PIGN: variants seen among roughly 807,000 people sequenced by gnomAD.
PIGN encodes the protein GPI ethanolamine phosphate transferase 1.
In PIGN, 117 loss-of-function variants were observed where a neutral mutation model predicts 125.4. The ratio of observed to expected loss-of-function variants is 0.93; its 90% CI spans 0.80 to 1.09. The LOEUF is 1.09. Ranked by LOEUF, PIGN falls within the 50% of genes least tolerant of loss-of-function variation. The probability of loss-of-function intolerance (pLI) is 0.00; values close to 1 mark genes in which losing one functional copy is unlikely to be tolerated. For synonymous variants in PIGN, 392 were observed against 377.8 expected (o/e 1.04, Z -0.44); for missense variants, 1,075 against 1,094.9 (o/e 0.98, Z 0.26).
downstream of PIGN, among the ~76,000 whole-genome samples, chr18:62,040,364 G>C (rs894763582): frequency 2.0e-5 from 3 of 152,214 alleles, no homozygotes; most frequent in African/African-American, 7.2e-5. Context: ...GGCTTTGACA[G>C]TTTCTCAGCC....
chr18:62,085,325 T>TA, intron 25 of PIGN, 61 bp from the exon 26 acceptor site: 1 of 1,102,392 alleles, frequency 9.1e-7, no homozygotes, highest in Non-Finnish European at 1.3e-6. Flanking sequence ...CCTTTTCATT[T>TA]AGAAAAGATA....
intron 14 of PIGN, chr18:62,135,573 C>G (rs968907478): frequency 6.6e-6 from 1 of 151,726 alleles, no homozygotes; most frequent in African/African-American, 2.4e-5. Context: ...GACGAAGAGT[C>G]CTTCCCTAAC....
At chr18:62,068,450 C>G (rs1030583) in intron 30 of PIGN, among the ~76,000 whole-genome samples, 50,787 of 151,848 alleles carry the variant, frequency 0.33, 9,414 homozygotes, top group East Asian at 0.63. Context: ...TTTCATTTTG[C>G]TAAGTTTGTT....
chr18:62,160,608 G>A (rs1013186771), intron 4 of PIGN, among the ~76,000 whole-genome samples: 8 of 150,536 alleles, frequency 5.3e-5, no homozygotes, highest in Admixed American at 2.0e-4. Context: ...CCTCTGCCTC[G>A]CAGGTTCTCC....
chr18:62,084,639 A>T, intron 26 of PIGN, 33 bp from the exon 27 acceptor site: 3 of 1,266,910 alleles, frequency 2.4e-6, no homozygotes, highest in Non-Finnish European at 3.4e-6. Context: ...AAGAATTTAG[A>T]ATTCACTCTG....
intron 22 of PIGN, among the ~76,000 whole-genome samples, chr18:62,097,973 T>C (rs2034280394): frequency 6.6e-6 from 1 of 152,216 alleles, no homozygotes; most frequent in Non-Finnish European, 1.5e-5. Context: ...GATAGACAAG[T>C]TGGGATGAAA....
Position 62,113,216 on chromosome 18 carries a change from A to G in PIGN, c.1352T>C (p.Phe451Ser), listed in dbSNP as rs1422102354. 6.2e-7 allele frequency: 1 copy of G among 1,613,024 alleles called. No homozygotes were observed. Among genetic ancestry groups the G allele is most frequent in the Non-Finnish European group, 8.5e-7 (1 of 1,179,470 alleles). Residue 451 changes from phenylalanine to serine, a missense_variant, in exon 16 of 31, where the codon TTT becomes TCT. Coordinates refer to ENST00000640252, the MANE Select transcript of PIGN (RefSeq NM_176787.5). ...AGAGGCATAAGATATCCATCCCACA[A>G]AACCAATAACAACATTGACGCCCAA... ...FFLGVNVVIG[F>S]VGWISYASLL... is the part of the protein sequence containing the mutation.
chr18:62,043,529 T>C lies in PIGN; in HGVS notation c.*2327A>G, dbSNP rs2030460746. ...TATTATAATGGATGAAGAGCTTTTCTAATTCAGCTCTATCATTAATAAATA... is the reference window on the plus strand; with the variant it reads ...TATTATAATGGATGAAGAGCTTTTCCAATTCAGCTCTATCATTAATAAATA... On this transcript the variant is annotated 3_prime_UTR_variant, in exon 31 of 31. Coordinates refer to ENST00000640252, the MANE Select transcript of PIGN (RefSeq NM_176787.5). 6.6e-6 allele frequency: 1 copy of C among 152,328 alleles called. No individual in the cohort carries two copies. Among genetic ancestry groups the C allele is most frequent in the African/African-American group, 2.4e-5 (1 of 41,574 alleles). The allele number at this position is 152,328 out of a possible 1,614,324, so 9.4% of individuals were successfully genotyped here. A position where few individuals can be genotyped will look rare whatever the true frequency, so the allele number is the denominator to read the frequency against.
At chr18:62,065,878 A>T (rs1314989745) in intron 30 of PIGN, among the ~76,000 whole-genome samples, 1 of 152,204 alleles carries the variant, frequency 6.6e-6, no homozygotes, top group Admixed American at 6.5e-5. Context: ...AATCTCCTCT[A>T]TTTCAGTCCC....
rs2147147668 is a variant in PIGN at position 62,139,083 on chromosome 18, T to C, written c.1024-8A>G. The C allele has an allele frequency of 6.5e-7, 1 of 1,541,164 alleles. No homozygotes were observed. The highest frequency in any genetic ancestry group is 8.9e-7 in the Non-Finnish European group (1 of 1,120,682). ...ATCCACAGGAAGGATTCCCTGAAAA[T>C]AACAAACACCAGCTTATTGATAGTA... On this transcript the variant is annotated splice_region_variant and splice_polypyrimidine_tract_variant and intron_variant, in intron 12 of 30. Coordinates refer to ENST00000640252, the MANE Select transcript of PIGN (RefSeq NM_176787.5).
intron 1 of PIGN, among the ~76,000 whole-genome samples, chr18:62,179,940 G>T (rs1024409581): frequency 6.6e-6 from 1 of 152,042 alleles, no homozygotes; most frequent in African/African-American, 2.4e-5. Context: ...CCTTATAAAT[G>T]ATCTCAAACA....
intron 1 of PIGN, among the ~76,000 whole-genome samples, chr18:62,175,046 T>C (rs1419414952): frequency 2.1e-5 from 3 of 139,692 alleles, no homozygotes; most frequent in Non-Finnish European, 4.6e-5. Flanking sequence ...ATATTATAAA[T>C]ATATATTTTT....
intron 22 of PIGN, among the ~76,000 whole-genome samples, chr18:62,096,395 C>T (rs2041245920): frequency 6.6e-6 from 1 of 151,900 alleles, no homozygotes; most frequent in Admixed American, 6.6e-5. Flanking sequence ...CCCCTAATCA[C>T]AGTCAAGCCT....
chr18:62,047,612 G>A (rs757762437), intron 30 of PIGN, among the ~76,000 whole-genome samples: 32 of 152,154 alleles, frequency 2.1e-4, no homozygotes, highest in Non-Finnish European at 4.0e-4. Context: ...GCTCCCTCTC[G>A]GGTGCCAATG....
At chr18:62,147,383 G>A (rs991791269) in intron 8 of PIGN, among the ~76,000 whole-genome samples, 3 of 152,060 alleles carry the variant, frequency 2.0e-5, no homozygotes, top group South Asian at 2.1e-4. Context: ...GATAGATGAC[G>A]TTCATGTCTC....
rs544574780 is a variant in PIGN at position 62,093,273 on chromosome 18, T to G, written c.2180+2575A>C. Among the ~76,000 whole-genome samples the G allele has an allele frequency of 2.0e-4, 30 of 152,244 alleles. 1 individual carries two copies. Among genetic ancestry groups the G allele is most frequent in the African/African-American group, 5.8e-4 (24 of 41,578 alleles). On this transcript the variant is annotated intron_variant, in intron 23 of 30. Coordinates refer to ENST00000640252, the MANE Select transcript of PIGN (RefSeq NM_176787.5). ...TCCTTTCAAAAACTATACATTATGA[T>G]CACTTTCTTTTGTAAAATGGAGATG... is the stretch of plus-strand genomic sequence containing the variant.
chr18:62,097,590 G>A (rs1466012912), intron 22 of PIGN, among the ~76,000 whole-genome samples: 1 of 152,054 alleles, frequency 6.6e-6, no homozygotes, highest in African/African-American at 2.4e-5. Context: ...ACCCAAAAAT[G>A]AATTATTTTC....
chr18:62,134,434 C>T (rs1021376248), intron 14 of PIGN, among the ~76,000 whole-genome samples: 4 of 152,022 alleles, frequency 2.6e-5, no homozygotes, highest in South Asian at 2.1e-4. Context: ...AAACCTCTGA[C>T]GAATTCAACT....
chr18:62,052,145 G>A (rs1322188020), intron 30 of PIGN: 1 of 151,952 alleles, frequency 6.6e-6, no homozygotes, highest in Non-Finnish European at 1.5e-5. Context: ...TTTGGAATAG[G>A]TGTGGTGTGG....
Sources: gnomAD v4.1 joint callset for allele counts (sites outside exome capture counted in the v4.1 genomes callset) on GRCh38, gnomAD v4.1.1 for gene constraint, MANE v1.5 for transcripts, NCBI Gene and HGNC (gene_info 2026-07-23, HGNC 2026-07-21) for gene names.